MAP9: variants seen among roughly 807,000 people sequenced by gnomAD.
MAP9 encodes the protein microtubule associated protein 9.
Under a neutral mutation model 75.2 loss-of-function variants are expected in MAP9, and 80 were observed. The ratio of observed to expected loss-of-function variants is 1.06; its 90% CI spans 0.89 to 1.28. The LOEUF (loss-of-function observed/expected upper bound fraction) is 1.28, where lower values mean the gene tolerates loss of function less well. Among genes scored for constraint, MAP9 ranks in the 50% most tolerant of loss-of-function variants. The pLI, the probability that MAP9 is intolerant of heterozygous loss-of-function variation, is 0.00. For missense variants in MAP9, 753 were observed against 719.9 expected (o/e 1.05, Z -0.53); for synonymous variants, 235 against 237.3 (o/e 0.99, Z 0.09).
chr4:155,345,180 C>G lies in MAP9; in HGVS notation c.*2603G>C, dbSNP rs1324302539. The G allele has an allele frequency of 6.6e-6, 1 of 151,956 alleles. No homozygotes were observed. The highest frequency in any genetic ancestry group is 1.9e-4 in the East Asian group (1 of 5,186). The allele number at this position is 151,956 out of a possible 1,614,324, so 9.4% of individuals were successfully genotyped here. On this transcript the variant is annotated 3_prime_UTR_variant, in exon 14 of 14. Coordinates refer to ENST00000311277, the MANE Select transcript of MAP9 (RefSeq NM_001039580.2). ...GGATCTTAGGAAGTAAACAACAGTA[C>G]TGTATTTTCACCCACCTCCCCGAAC...
chr4:155,351,319 G>GT (rs1731498958), intron 13 of MAP9: 1 of 151,634 alleles, frequency 6.6e-6, no homozygotes, highest in African/African-American at 2.4e-5. Context: ...CATGTATCAG[G>GT]GCAAATTCCA....
chr4:155,372,537 C>T (rs1732646931), intron 4 of MAP9, among the ~76,000 whole-genome samples: 1 of 152,148 alleles, frequency 6.6e-6, no homozygotes, highest in Admixed American at 6.5e-5. Context: ...CAGGAACTTT[C>T]CTTTGGAAAA....
chr4:155,359,925 T>C (rs1731991349), intron 7 of MAP9, among the ~76,000 whole-genome samples: 1 of 152,042 alleles, frequency 6.6e-6, no homozygotes, highest in South Asian at 2.1e-4. Context: ...CATTTAAAAG[T>C]ATATTATGAT....
chr4:155,352,854 A>C, intron 12 of MAP9, 58 bp downstream of exon 12: 1 of 1,431,438 alleles, frequency 7.0e-7, no homozygotes, highest in Non-Finnish European at 9.5e-7. Context: ...AATTTTATAA[A>C]ATCCTGAAGT....
intron 5 of MAP9, among the ~76,000 whole-genome samples, chr4:155,365,778 C>T (rs1732294492): frequency 6.6e-6 from 1 of 151,880 alleles, no homozygotes; most frequent in Non-Finnish European, 1.5e-5. Context: ...AAAAAGAGAT[C>T]ACAATGATCA....
At chr4:155,365,294 A>C (rs28816169) in intron 5 of MAP9, among the ~76,000 whole-genome samples, 1 of 152,076 alleles carries the variant, frequency 6.6e-6, no homozygotes, top group Non-Finnish European at 1.5e-5. Context: ...TACCAGAGGT[A>C]GAGACGTTTC....
rs1731300991 is a variant in MAP9, at chr4:155,346,762, C to T, written c.*1021G>A. 1 of 152,574 alleles carries T rather than the reference C, an allele frequency of 6.6e-6. No individual in the cohort carries two copies. Among genetic ancestry groups the T allele is most frequent in the African/African-American group, 2.4e-5 (1 of 41,436 alleles). The allele number at this position is 152,574 out of a possible 1,614,324, so 9.5% of individuals were successfully genotyped here. On this transcript the variant is annotated 3_prime_UTR_variant, in exon 14 of 14. Coordinates refer to ENST00000311277, the MANE Select transcript of MAP9 (RefSeq NM_001039580.2). ...TGCACAACTGACTAATGCATTTCAG[C>T]TCCGTGAGCATACACTTGGTCTGTC...
At chr4:155,356,847 GA>G (rs1214479917) in intron 8 of MAP9, among the ~76,000 whole-genome samples, 1 of 152,126 alleles carries the variant, frequency 6.6e-6, no homozygotes, top group Non-Finnish European at 1.5e-5. Context: ...TTTGATTAAT[GA>G]TAATTTGACT....
intron 5 of MAP9, 27 bp downstream of exon 5, chr4:155,368,559 A>G (rs370585011): frequency 1.3e-5 from 20 of 1,533,118 alleles, no homozygotes; most frequent in Non-Finnish European, 1.7e-5. Flanking sequence ...CAAGAACACA[A>G]TTCAACAGTT....
At chr4:155,355,464 T>C (rs183776787) in intron 9 of MAP9, among the ~76,000 whole-genome samples, 2 of 152,308 alleles carry the variant, frequency 1.3e-5, no homozygotes, top group East Asian at 1.9e-4. Flanking sequence ...TACAATGTTT[T>C]GGCTTGTGCT....
rs771817042 is a variant in MAP9, at chr4:155,375,788, T to A, written c.63A>T (p.Arg21Ser). Residue 21 changes from arginine to serine, a missense_variant, in exon 2 of 14, where the codon AGA becomes AGT. Arg to Ser is a moderately radical substitution (Grantham distance 110). Transcript: ENST00000311277. ...AYTKSPKVTK[R>S]TTFQDELIRA... ...AAAAATACTTTACCTGGAAAGTAGT[T>A]CTTTTGGTAACTTTTGGACTCTTTG... The A allele has an allele frequency of 1.4e-5, 22 of 1,603,562 alleles. No homozygotes were observed. The highest frequency in any genetic ancestry group is 1.9e-5 in the Non-Finnish European group (22 of 1,171,658).
Position 155,346,662 on chromosome 4 carries a change from T to G in MAP9, c.*1121A>C, listed in dbSNP as rs910057939. The G allele has an allele frequency of 2.6e-5, 4 of 152,586 alleles. No individual in the cohort carries two copies. The highest frequency in any genetic ancestry group is 9.7e-5 in the African/African-American group (4 of 41,450). 9.5% of individuals were successfully genotyped at this position (152,586 alleles called of 1,614,324 possible). ...GTTGTAAAGATGTTAAATACATTTG[T>G]AAAGGTCCAGTAGAGATTATATATT... On this transcript the variant is annotated 3_prime_UTR_variant, in exon 14 of 14. Coordinates refer to ENST00000311277, the MANE Select transcript of MAP9 (RefSeq NM_001039580.2).
intron 13 of MAP9, 47 bp from the exon 14 acceptor site, chr4:155,347,952 T>C (rs927647667): frequency 8.4e-7 from 1 of 1,195,078 alleles, no homozygotes; most frequent in Non-Finnish European, 1.2e-6. Flanking sequence ...TATATGATTA[T>C]TATTTTCAAA....
At chr4:155,369,559 T>C (rs545905527) in intron 4 of MAP9, among the ~76,000 whole-genome samples, 1 of 152,284 alleles carries the variant, frequency 6.6e-6, no homozygotes, top group African/African-American at 2.4e-5. Context: ...TACCAAGCCC[T>C]GTACACGTTA....
At chr4:155,366,350 C>T (rs1398066888) in intron 5 of MAP9, among the ~76,000 whole-genome samples, 10 of 139,002 alleles carry the variant, frequency 7.2e-5, no homozygotes, top group Middle Eastern at 3.4e-3. Flanking sequence ...TAGAACGAGA[C>T]TCTGTCTCAA....
rs1057465440 is a variant in MAP9 at position 155,345,354 on chromosome 4, A to T, written c.*2429T>A. On this transcript the variant is annotated 3_prime_UTR_variant, in exon 14 of 14. Coordinates refer to ENST00000311277, the MANE Select transcript of MAP9 (RefSeq NM_001039580.2). ...CTTGTTGGGTCTATGCAAACACCTC[A>T]TCCTACCTCAGAAGCAATCCTAAGA... is the stretch of plus-strand genomic sequence containing the variant. 2.0e-5 allele frequency: 3 copies of T among 152,102 alleles called. No individual in the cohort carries two copies. The highest frequency in any genetic ancestry group is 1.5e-5 in the Non-Finnish European group (1 of 67,964). The allele number at this position is 152,102 out of a possible 1,614,324, so 9.4% of individuals were successfully genotyped here.
At chr4:155,373,592 T>C (rs998165506) in intron 3 of MAP9, 136 bp from the exon 4 acceptor site, 2 of 544,154 alleles carry the variant, frequency 3.7e-6, no homozygotes, top group Non-Finnish European at 6.2e-6. Flanking sequence ...ATTTTATAAA[T>C]AGACTTGCAG....
intron 8 of MAP9, among the ~76,000 whole-genome samples, chr4:155,356,567 A>G (rs1324777242): frequency 3.3e-5 from 5 of 152,158 alleles, no homozygotes; most frequent in Non-Finnish European, 7.4e-5. Flanking sequence ...TTCTTTCATC[A>G]TTTTGTTACA....
chr4:155,375,866 G>A lies in MAP9; in HGVS notation c.-16C>T, dbSNP rs1395179620. ...CATCAGACATAGTGTATTTTTTCTC[G>A]TTACCTTTATAAAATAGCTAATTAT... On this transcript the variant is annotated 5_prime_UTR_variant, in exon 2 of 14. In the 5' UTR this introduces an upstream ATG that the reference lacks. Transcript: ENST00000311277. 6.4e-7 allele frequency: 1 copy of A among 1,560,608 alleles called. No homozygotes were observed. The highest frequency in any genetic ancestry group is 1.1e-5 in the South Asian group (1 of 88,026).
Sources: gnomAD v4.1 joint callset for allele counts (sites outside exome capture counted in the v4.1 genomes callset) on GRCh38, gnomAD v4.1.1 for gene constraint, MANE v1.5 for transcripts, NCBI Gene and HGNC (gene_info 2026-07-23, HGNC 2026-07-21) for gene names.